Variants in CHN1 observed in about 807,000 individuals in gnomAD.
CHN1 encodes N-chimaerin.
CHN1 carries 37 observed loss-of-function variants against 59.5 expected under a neutral mutation model. That is an observed-to-expected ratio of 0.62 (90% CI 0.48 to 0.82). CHN1 has a LOEUF of 0.82. Ranked by LOEUF, CHN1 falls within the 40% of genes least tolerant of loss-of-function variation. The probability of loss-of-function intolerance (pLI) is 0.00; values close to 1 mark genes in which losing one functional copy is unlikely to be tolerated. For synonymous variants in CHN1, 206 were observed against 200.4 expected (o/e 1.03, Z -0.24); for missense variants, 469 against 571.0 (o/e 0.82, Z 1.82).
intron 2 of CHN1, among the ~76,000 whole-genome samples, chr2:174,947,485 T>A (rs1016207663): frequency 2.0e-5 from 3 of 148,918 alleles, no homozygotes; most frequent in Non-Finnish European, 3.0e-5. Context: ...TTTTTTTTTT[T>A]AATTTTTTTT....
intron 1 of CHN1, among the ~76,000 whole-genome samples, chr2:174,998,208 CAGG>C (rs767742866): frequency 1.4e-5 from 2 of 145,596 alleles, no homozygotes; most frequent in Non-Finnish European, 3.0e-5. Flanking sequence ...AAGGCTGAGG[CAGG>C]AGAATTGCTT....
intron 6 of CHN1, among the ~76,000 whole-genome samples, chr2:174,854,645 T>C (rs185995281): frequency 1.3e-5 from 2 of 152,272 alleles, no homozygotes; most frequent in East Asian, 3.9e-4. Context: ...TTTCTTTATA[T>C]GTAAAATGAA....
At chr2:174,873,878 T>C (rs1027458050) in intron 6 of CHN1, among the ~76,000 whole-genome samples, 1 of 151,956 alleles carries the variant, frequency 6.6e-6, no homozygotes, top group East Asian at 1.9e-4. Context: ...CAGACACACA[T>C]AGGTTATTTA....
chr2:174,914,399 G>A (rs1245862191), intron 5 of CHN1, among the ~76,000 whole-genome samples: 2 of 152,286 alleles, frequency 1.3e-5, no homozygotes, highest in East Asian at 3.9e-4. Flanking sequence ...GCCAACCTAA[G>A]AGAAATGGCA....
intron 1 of CHN1, among the ~76,000 whole-genome samples, chr2:174,969,717 C>T (rs971197259): frequency 2.6e-5 from 4 of 151,922 alleles, no homozygotes; most frequent in Non-Finnish European, 4.4e-5. Context: ...CTTAGTACTT[C>T]TTGCTATCTA....
intron 7 of CHN1, among the ~76,000 whole-genome samples, chr2:174,843,439 A>G (rs556410553): frequency 6.6e-6 from 1 of 152,042 alleles, no homozygotes; most frequent in Non-Finnish European, 1.5e-5. Flanking sequence ...GGGTTTCCCC[A>G]TATTGGCTAA....
intron 3 of CHN1, among the ~76,000 whole-genome samples, chr2:174,938,032 T>TA (rs897423468): frequency 6.6e-6 from 1 of 151,742 alleles, no homozygotes; most frequent in Admixed American, 6.6e-5. Flanking sequence ...ATTCCTCAGT[T>TA]AAAAAAAAAT....
At chr2:174,846,547 C>A in intron 7 of CHN1, 1 of 1,201,478 alleles carries the variant, frequency 8.3e-7, no homozygotes, top group Non-Finnish European at 1.1e-6. Context: ...AAATCTCCAA[C>A]AGAGGTATTC....
At chr2:174,906,208 T>C (rs902857430) in intron 5 of CHN1, among the ~76,000 whole-genome samples, 2 of 152,310 alleles carry the variant, frequency 1.3e-5, no homozygotes, top group Admixed American at 6.5e-5. Context: ...TTATTCATAA[T>C]AGCCAAAAAG....
intron 11 of CHN1, 153 bp from the exon 12 acceptor site, chr2:174,801,965 G>A (rs1428949862): frequency 1.9e-5 from 11 of 573,854 alleles, no homozygotes; most frequent in Non-Finnish European, 3.1e-5. Context: ...TTATTTTTAA[G>A]GTTCAAGTCC....
chr2:174,979,490 G>A (rs1691066513), intron 1 of CHN1, among the ~76,000 whole-genome samples: 1 of 152,162 alleles, frequency 6.6e-6, no homozygotes, highest in African/African-American at 2.4e-5. Context: ...CTCTGGTTAT[G>A]TGCAACCCAA....
chr2:175,003,741 AAC>A (rs1263989056), intron 1 of CHN1, among the ~76,000 whole-genome samples: 1 of 152,230 alleles, frequency 6.6e-6, no homozygotes, highest in Non-Finnish European at 1.5e-5. Context: ...GGGCACAGTA[AAC>A]ACAGTCCCAG....
At chr2:174,870,103 T>G (rs1048285559) in intron 6 of CHN1, among the ~76,000 whole-genome samples, 2 of 152,146 alleles carry the variant, frequency 1.3e-5, no homozygotes, top group Non-Finnish European at 2.9e-5. Context: ...CCTACAGCAT[T>G]TAGTGAATGT....
intron 3 of CHN1, among the ~76,000 whole-genome samples, chr2:174,937,784 C>T (rs923874865): frequency 2.0e-5 from 3 of 152,060 alleles, no homozygotes; most frequent in Non-Finnish European, 4.4e-5. Context: ...GGCACCTCAT[C>T]CTATTAATAT....
At chr2:174,970,103 T>G (rs761331183) in intron 1 of CHN1, among the ~76,000 whole-genome samples, 12 of 152,320 alleles carry the variant, frequency 7.9e-5, no homozygotes, top group Middle Eastern at 3.4e-3. Context: ...AAGCCCTTGA[T>G]GAAGCAGTTT....
intron 1 of CHN1, 26 bp from the exon 2 acceptor site, chr2:174,952,228 A>G: frequency 8.0e-7 from 1 of 1,244,422 alleles, no homozygotes; most frequent in Non-Finnish European, 1.1e-6. Context: ...TCAAATTAAC[A>G]TTACTGAATA....
At chr2:174,828,370 C>T (rs1039350498) in intron 7 of CHN1, among the ~76,000 whole-genome samples, 4 of 152,154 alleles carry the variant, frequency 2.6e-5, no homozygotes, top group Admixed American at 1.3e-4. Flanking sequence ...TTTCTTTTTA[C>T]GTGCGTCGTT....
chr2:174,831,046 G>C (rs1409693101), intron 7 of CHN1, among the ~76,000 whole-genome samples: 1 of 152,150 alleles, frequency 6.6e-6, no homozygotes, highest in Non-Finnish European at 1.5e-5. Context: ...ACAGGGAAAA[G>C]CTGGTAAAAT....
chr2:174,814,650 C>CT (rs1257177758), intron 8 of CHN1, among the ~76,000 whole-genome samples: 1 of 152,178 alleles, frequency 6.6e-6, no homozygotes, highest in Non-Finnish European at 1.5e-5. Flanking sequence ...ATGTAGTAAA[C>CT]TGTGTTCACC....
Sources: allele counts gnomAD v4.1 joint callset (sites outside exome capture counted in the v4.1 genomes callset), GRCh38; gene constraint gnomAD v4.1.1; transcripts MANE v1.5; gene names NCBI Gene and HGNC (gene_info 2026-07-23, HGNC 2026-07-21).